The following SULF2 variants were observed in gnomAD, a reference collection of about 807,000 sequenced individuals.
The protein encoded by SULF2 is sulfatase 2.
Under a neutral mutation model 107.7 loss-of-function variants are expected in SULF2, and 52 were observed. The ratio of observed to expected loss-of-function variants is 0.48; its 90% CI spans 0.39 to 0.61. SULF2 has a LOEUF of 0.61. Among genes scored for constraint, SULF2 ranks in the 20% least tolerant of loss-of-function variants. The probability of loss-of-function intolerance (pLI) is 0.00; values close to 1 mark genes in which losing one functional copy is unlikely to be tolerated. For missense variants in SULF2, 993 were observed against 1,177.3 expected (o/e 0.84, Z 2.29); for synonymous variants, 460 against 464.3 (o/e 0.99, Z 0.12).
At chr20:47,719,665 A>C (rs908045099) in intron 3 of SULF2, among the ~76,000 whole-genome samples, 3 of 152,272 alleles carry the variant, frequency 2.0e-5, no homozygotes, top group Admixed American at 6.5e-5. Context: ...TCTGTGGCAC[A>C]AATCCAGTGG....
chr20:47,750,925 T>A (rs79318640), intron 2 of SULF2, among the ~76,000 whole-genome samples: 2,180 of 152,270 alleles, frequency 0.014, 26 homozygotes, highest in African/African-American at 0.022. Context: ...GATTTCCCCT[T>A]CCCAATGAGA....
chr20:47,710,076 A>G (rs1354471080), intron 3 of SULF2, among the ~76,000 whole-genome samples: 1 of 151,874 alleles, frequency 6.6e-6, no homozygotes, highest in African/African-American at 2.4e-5. Context: ...TAATTTTTTA[A>G]TTTTTAGTAG....
At position 47,690,154 on chromosome 20, in the gene SULF2, G is replaced by A. The variant is rs753117627; in HGVS notation, c.709C>T (p.Arg237Cys). Residue 237 changes from arginine to cysteine, a missense_variant, in exon 5 of 21, where the codon CGC (arginine) becomes TGC (cysteine). Coordinates refer to ENST00000688720, the MANE Select transcript of SULF2 (RefSeq NM_001387048.1). ...GPEDSAPQYS[R>C]LFPNASQHIT... ...TGCTGAGATGCGTTTGGGAAGAGGC[G>A]TGAATATTGTGGGGCTGAATCCTCA... 2.5e-5 allele frequency: 39 copies of A among 1,533,266 alleles called. No homozygotes were observed. Among genetic ancestry groups the A allele is most frequent in the Middle Eastern group, 1.8e-4 (1 of 5,710 alleles). The allele number at this position is 1,533,266 out of a possible 1,614,324, so 95.0% of individuals were successfully genotyped here. A position where few individuals can be genotyped will look rare whatever the true frequency, so the allele number is the denominator to read the frequency against.
intron 3 of SULF2, among the ~76,000 whole-genome samples, chr20:47,733,217 A>C (rs1292828423): frequency 6.6e-6 from 1 of 152,250 alleles, no homozygotes; most frequent in East Asian, 1.9e-4. Context: ...ACTATTGAGA[A>C]GGATGATGAA....
chr20:47,741,654 C>A (rs936210620), intron 2 of SULF2, among the ~76,000 whole-genome samples: 1 of 152,196 alleles, frequency 6.6e-6, no homozygotes, highest in East Asian at 1.9e-4. Flanking sequence ...GAGTCCAGGG[C>A]ACCCCAAGTG....
At chr20:47,690,012 A>G (rs1179809417) in intron 5 of SULF2, 114 bp downstream of exon 5, 3 of 1,044,226 alleles carry the variant, frequency 2.9e-6, no homozygotes, top group Non-Finnish European at 3.7e-6. Context: ...TTAAACCAGG[A>G]GGATTAGAGA....
intron 15 of SULF2, among the ~76,000 whole-genome samples, 166 bp from the exon 16 acceptor site, chr20:47,663,788 C>T (rs961793786): frequency 1.3e-5 from 2 of 152,166 alleles, no homozygotes; most frequent in African/African-American, 2.4e-5. Context: ...AAGGCAGAGC[C>T]GGGACCAGAA....
intron 2 of SULF2, among the ~76,000 whole-genome samples, chr20:47,741,380 C>T (rs891831401): frequency 6.6e-6 from 1 of 152,108 alleles, no homozygotes; most frequent in African/African-American, 2.4e-5. Flanking sequence ...TCCCCCGGAG[C>T]CCCGCAGCGG....
At chr20:47,738,246 A>G (rs1049686524) in intron 2 of SULF2, among the ~76,000 whole-genome samples, 2 of 152,226 alleles carry the variant, frequency 1.3e-5, no homozygotes, top group Non-Finnish European at 2.9e-5. Flanking sequence ...GTGGGTACTC[A>G]ACATAGGTGT....
chr20:47,698,281 T>C (rs576794606), intron 4 of SULF2, among the ~76,000 whole-genome samples: 3 of 152,196 alleles, frequency 2.0e-5, no homozygotes, highest in Non-Finnish European at 4.4e-5. Flanking sequence ...CGTTCCAGCG[T>C]AGAGCTCCTG....
At chr20:47,705,899 A>G (rs1398500231) in intron 3 of SULF2, among the ~76,000 whole-genome samples, 2 of 151,662 alleles carry the variant, frequency 1.3e-5, no homozygotes, top group Non-Finnish European at 2.9e-5. Flanking sequence ...CCTGGGTCCA[A>G]GGGATTCTCC....
chr20:47,704,149 T>C (rs891538401), intron 3 of SULF2, among the ~76,000 whole-genome samples: 2 of 152,240 alleles, frequency 1.3e-5, no homozygotes, highest in African/African-American at 4.8e-5. Context: ...ATGCACGCTT[T>C]ACATCAACAA....
rs766897092 is a variant in SULF2 at position 47,658,051 on chromosome 20, T to G, written c.*311A>C. On this transcript the variant is annotated 3_prime_UTR_variant, in exon 21 of 21. Transcript: ENST00000688720. Reference sequence around the variant, plus strand: ...TTCCAAGGAAATCTCTCTCGCTCGCTCTCTCCGTTTTCCTTTGTGAGCTTC... The same window carrying G: ...TTCCAAGGAAATCTCTCTCGCTCGCGCTCTCCGTTTTCCTTTGTGAGCTTC... 11 of 406,140 alleles carry G rather than the reference T, an allele frequency of 2.7e-5. No individual in the cohort carries two copies. Among genetic ancestry groups the G allele is most frequent in the Non-Finnish European group, 4.0e-5 (9 of 225,832 alleles). The allele number at this position is 406,140 out of a possible 1,614,324, so 25.2% of individuals were successfully genotyped here. A position where few individuals can be genotyped will look rare whatever the true frequency, so the allele number is the denominator to read the frequency against.
intron 3 of SULF2, among the ~76,000 whole-genome samples, chr20:47,719,115 A>T (rs2089212537): frequency 6.6e-6 from 1 of 152,258 alleles, no homozygotes; most frequent in African/African-American, 2.4e-5. Context: ...ATTGTAGTCA[A>T]CATGGACTTC....
At position 47,710,262 on chromosome 20, in the gene SULF2, T is replaced by C. The variant is rs143227253; in HGVS notation, c.416-7592A>G. Among the ~76,000 whole-genome samples, 4 of 148,930 alleles carry C rather than the reference T, an allele frequency of 2.7e-5. 1 individual carries two copies. Among genetic ancestry groups the C allele is most frequent in the African/African-American group, 7.8e-5 (3 of 38,358 alleles). On this transcript the variant is annotated intron_variant, in intron 3 of 20. Coordinates refer to ENST00000688720, the MANE Select transcript of SULF2 (RefSeq NM_001387048.1). The stretch of plus-strand genomic sequence containing the variant: ...TATGTTGCTCACGCTGGTCTGGAAC[T>C]CCTGGGCTCAAGTGATCCTCCCGCC...
At chr20:47,718,053 G>A (rs890235446) in intron 3 of SULF2, among the ~76,000 whole-genome samples, 1 of 152,182 alleles carries the variant, frequency 6.6e-6, no homozygotes, top group South Asian at 2.1e-4. Context: ...TCCTGACCTC[G>A]TGATCCACCT....
At chr20:47,697,374 T>C (rs1454416480) in intron 4 of SULF2, among the ~76,000 whole-genome samples, 1 of 152,080 alleles carries the variant, frequency 6.6e-6, no homozygotes, top group Non-Finnish European at 1.5e-5. Flanking sequence ...TTACGAAGGG[T>C]TGCCGCTTCC....
At chr20:47,772,085 A>C (rs1001520005) in intron 1 of SULF2, among the ~76,000 whole-genome samples, 7 of 152,238 alleles carry the variant, frequency 4.6e-5, no homozygotes, top group African/African-American at 1.7e-4. Flanking sequence ...TGAATTTTTA[A>C]AAGTCTGGTA....
Position 47,711,285 on chromosome 20 carries a change from G to T in SULF2, c.416-8615C>A, listed in dbSNP as rs566552575. On this transcript the variant is annotated intron_variant, in intron 3 of 20. Transcript: ENST00000688720. The stretch of plus-strand genomic sequence containing the variant: ...GCGTCTCTGCAGTCAGACTGTCTGG[G>T]TTTGAATCCTGGATCTGCCACCTCC... Among the ~76,000 whole-genome samples, 18 of 152,344 alleles carry T rather than the reference G, an allele frequency of 1.2e-4. 1 individual carries two copies. The East Asian group carries it at 3.3e-3, about 28-fold the overall frequency.
Sources: gnomAD v4.1 joint callset for allele counts (sites outside exome capture counted in the v4.1 genomes callset) on GRCh38, gnomAD v4.1.1 for gene constraint, MANE v1.5 for transcripts, NCBI Gene and HGNC (gene_info 2026-07-23, HGNC 2026-07-21) for gene names.